Variants in ZNF334 observed in about 807,000 individuals in gnomAD.
The protein encoded by ZNF334 is zinc finger protein 334.
A neutral mutation model predicts 12.4 loss-of-function variants in ZNF334; 14 were observed. The observed-to-expected ratio is 1.13, with a 90% CI of 0.74 to 1.76. ZNF334 has a LOEUF of 1.76. Ranked by LOEUF, ZNF334 falls within the 40% of genes most tolerant of loss-of-function variation. The pLI is 0.00. For synonymous variants in ZNF334, 273 were observed against 269.6 expected, an observed-to-expected ratio of 1.01 and a Z score of -0.12; for missense variants, 797 against 804.5, an observed-to-expected ratio of 0.99 and a Z score of 0.11.
At chr20:46,482,570 T>C in the ZNF334 span, among the ~76,000 whole-genome samples, 548 of 152,316 alleles carry the variant, frequency 3.6e-3, 6 homozygotes, top group African/African-American at 0.013. Context: ...TGCAGATGAA[T>C]AATTTTTTAA....
chr20:46,504,222 T>G lies in ZNF334; in HGVS notation c.233A>C (p.Asn78Thr), dbSNP rs1430035569. The change falls in exon 4 of 5, where the codon AAC becomes ACC. Residue 78 changes from asparagine to threonine, a missense_variant. Coordinates refer to ENST00000692313, the MANE Select transcript of ZNF334 (RefSeq NM_001353824.2). ...PWIVEEFSNQ[N>T]YPDIDDALEK... Reference sequence around the variant, plus strand: ...AGTTATCATTTACTTACCTGGGTAGTTCTGATTTGAGAATTCCTCCACTAT... The same window carrying G: ...AGTTATCATTTACTTACCTGGGTAGGTCTGATTTGAGAATTCCTCCACTAT... The G allele has an allele frequency of 6.2e-6, 10 of 1,610,540 alleles. No homozygotes were observed. The highest frequency in any genetic ancestry group is 8.5e-6 in the Non-Finnish European group (10 of 1,178,000).
At chr20:46,488,804 G>GGT in the ZNF334 span, among the ~76,000 whole-genome samples, 22,730 of 103,928 alleles carry the variant, frequency 0.22, 2,132 homozygotes, top group African/African-American at 0.39. Context: ...CTAGTTAATA[G>GGT]TTTTTTTTTT....
At chr20:46,483,182 A>G in the ZNF334 span, among the ~76,000 whole-genome samples, 4 of 152,130 alleles carry the variant, frequency 2.6e-5, no homozygotes, top group African/African-American at 4.8e-5. Flanking sequence ...CTGCTAATAT[A>G]ATGCGCATTT....
chr20:46,475,821 T>C, the ZNF334 span, among the ~76,000 whole-genome samples: 1 of 152,228 alleles, frequency 6.6e-6, no homozygotes, highest in Non-Finnish European at 1.5e-5. Flanking sequence ...CATACATTGC[T>C]GGTGGGAATG....
intron 2 of ZNF334, among the ~76,000 whole-genome samples, chr20:46,506,838 G>A (rs991632451): frequency 8.5e-5 from 13 of 152,088 alleles, no homozygotes; most frequent in South Asian, 4.1e-4. Context: ...TAGGCCAGGC[G>A]TGGTGCCTCA....
rs756694374 is a variant in ZNF334, at chr20:46,501,680, G to A, written c.1659C>T (p.Tyr553=). The A allele has an allele frequency of 1.9e-6, 3 of 1,614,066 alleles. No individual in the cohort carries two copies. The highest frequency in any genetic ancestry group is 2.2e-5 in the South Asian group (2 of 91,084). The change falls in exon 5 of 5, where the codon TAC becomes TAT. Residue 553 remains tyrosine (Y), a synonymous_variant. Transcript: ENST00000692313. Reference sequence around the variant, plus strand: ...GGTGAGTCAGGGCTGACTTCCTGCAGTAGGTTCTCCCACATTCATTGCATT... The same window carrying A: ...GGTGAGTCAGGGCTGACTTCCTGCAATAGGTTCTCCCACATTCATTGCATT... ...PYECNECGRT[Y]CRKSALTHHQ...
chr20:46,495,584 C>T (rs2061008346), downstream of ZNF334, among the ~76,000 whole-genome samples: 1 of 152,110 alleles, frequency 6.6e-6, no homozygotes, highest in African/African-American at 2.4e-5. Context: ...CACCTTTTGA[C>T]CTAAAACATA....
chr20:46,506,718 G>A (rs1383979767), intron 2 of ZNF334: 1 of 177,588 alleles, frequency 5.6e-6, no homozygotes, highest in Non-Finnish European at 1.2e-5. Flanking sequence ...CAGGGGAGAG[G>A]TGGAGACAGA....
the ZNF334 span, among the ~76,000 whole-genome samples, chr20:46,465,880 A>C: frequency 1.3e-5 from 2 of 152,050 alleles, no homozygotes; most frequent in South Asian, 2.1e-4. Context: ...GCATGTATCC[A>C]GGAGGTGGAG....
chr20:46,464,182 G>T, the ZNF334 span: 1 of 525,870 alleles, frequency 1.9e-6, no homozygotes, highest in Non-Finnish European at 3.8e-6. Flanking sequence ...CATCCCCCAA[G>T]ATGGGCAGCT....
chr20:46,495,255 T>C (rs1465215183), downstream of ZNF334, among the ~76,000 whole-genome samples: 2 of 151,814 alleles, frequency 1.3e-5, no homozygotes, highest in African/African-American at 2.4e-5. Flanking sequence ...ATGGAATCCC[T>C]CCCTAAAGGT....
chr20:46,481,935 CA>C, the ZNF334 span, among the ~76,000 whole-genome samples: 7 of 151,996 alleles, frequency 4.6e-5, no homozygotes, highest in African/African-American at 1.7e-4. Context: ...TTGCAGGTGT[CA>C]TTAAGTTGAG....
chr20:46,481,854 C>A, the ZNF334 span, among the ~76,000 whole-genome samples: 1 of 152,184 alleles, frequency 6.6e-6, no homozygotes, highest in Admixed American at 6.5e-5. Context: ...ATCTCCCCCA[C>A]CCATTGCAAA....
intron 1 of ZNF334, 60 bp downstream of exon 1, chr20:46,512,480 A>C (rs1332996728): frequency 5.9e-6 from 1 of 169,158 alleles, no homozygotes; most frequent in Admixed American, 6.0e-5. Context: ...TTTTGGCATT[A>C]AAATGGACTC....
chr20:46,464,845 C>T, the ZNF334 span: 2 of 539,932 alleles, frequency 3.7e-6, no homozygotes, highest in East Asian at 5.0e-5. Context: ...TTGAGTCTGA[C>T]TCAGCTTCGC....
intron 2 of ZNF334, chr20:46,506,045 G>A: frequency 3.7e-6 from 1 of 270,220 alleles, no homozygotes. Flanking sequence ...AGTATATGTG[G>A]AGATTAGGAA....
At chr20:46,504,164 T>C (rs375291564) in intron 4 of ZNF334, 50 bp downstream of exon 4, 10 of 1,324,974 alleles carry the variant, frequency 7.5e-6, no homozygotes, top group Admixed American at 6.2e-5. Flanking sequence ...CCGACCACCA[T>C]GGAACTCTCA....
chr20:46,505,790 C>T (rs2061410132), intron 2 of ZNF334: 2 of 153,564 alleles, frequency 1.3e-5, no homozygotes, highest in African/African-American at 4.8e-5. Flanking sequence ...AAATTTTGAC[C>T]TTGTCCTCTA....
the ZNF334 span, chr20:46,491,254 AT>A: frequency 6.5e-6 from 1 of 152,736 alleles, no homozygotes; most frequent in African/African-American, 2.4e-5. Context: ...TACATCAGAG[AT>A]TTCATGTTGG....
Sources: allele counts gnomAD v4.1 joint callset (sites outside exome capture counted in the v4.1 genomes callset), GRCh38; gene constraint gnomAD v4.1.1; transcripts MANE v1.5; gene names NCBI Gene and HGNC (gene_info 2026-07-23, HGNC 2026-07-21).